The following KCNH7 variants were observed in gnomAD, a reference collection of about 807,000 sequenced individuals.
KCNH7 encodes the protein voltage-gated inwardly rectifying potassium channel KCNH7.
Under a neutral mutation model 120.8 loss-of-function variants are expected in KCNH7, and 49 were observed. The observed-to-expected ratio is 0.41, with a 90% CI of 0.32 to 0.51. The LOEUF is 0.51. Among genes scored for constraint, KCNH7 ranks in the 20% least tolerant of loss-of-function variants. KCNH7 has a pLI of 0.38. For synonymous variants in KCNH7, 547 were observed against 516.1 expected, an observed-to-expected ratio of 1.06 and a Z score of -0.81; for missense variants, 1,097 against 1,446.6, an observed-to-expected ratio of 0.76 and a Z score of 3.92.
intron 2 of KCNH7, among the ~76,000 whole-genome samples, chr2:162,731,586 A>G (rs992497806): frequency 1.3e-5 from 2 of 151,918 alleles, no homozygotes; most frequent in African/African-American, 4.8e-5. Context: ...ATTTTATAAT[A>G]TTTTATAAAA....
intron 2 of KCNH7, among the ~76,000 whole-genome samples, chr2:162,787,385 C>G (rs1286737074): frequency 6.6e-6 from 1 of 152,062 alleles, no homozygotes; most frequent in Non-Finnish European, 1.5e-5. Context: ...ACACCAGACT[C>G]AGTGGCTCCA....
chr2:162,449,905 C>T (rs1278357988), intron 6 of KCNH7, among the ~76,000 whole-genome samples: 1 of 152,048 alleles, frequency 6.6e-6, no homozygotes, highest in Non-Finnish European at 1.5e-5. Context: ...ATTTATAAAA[C>T]AGTGAATTCA....
intron 9 of KCNH7, among the ~76,000 whole-genome samples, chr2:162,414,646 C>G (rs900994477): frequency 6.6e-6 from 1 of 151,440 alleles, no homozygotes; most frequent in Non-Finnish European, 1.5e-5. Context: ...TGTATACATG[C>G]AAATATAAGT....
chr2:162,707,256 G>C (rs942589789), intron 2 of KCNH7, among the ~76,000 whole-genome samples: 1 of 152,038 alleles, frequency 6.6e-6, no homozygotes, highest in Non-Finnish European at 1.5e-5. Flanking sequence ...ATTTGAAAGA[G>C]CAAACAGAAT....
At chr2:162,541,494 T>C (rs941632654) in intron 2 of KCNH7, among the ~76,000 whole-genome samples, 2 of 152,076 alleles carry the variant, frequency 1.3e-5, no homozygotes, top group African/African-American at 4.8e-5. Flanking sequence ...AGATACACCA[T>C]GGAATATTAT....
intron 9 of KCNH7, among the ~76,000 whole-genome samples, chr2:162,404,207 T>C (rs562288453): frequency 6.6e-6 from 1 of 152,066 alleles, no homozygotes; most frequent in Non-Finnish European, 1.5e-5. Flanking sequence ...TATACACAGC[T>C]TTCTTGACTG....
At chr2:162,699,453 A>T (rs1370773645) in intron 2 of KCNH7, among the ~76,000 whole-genome samples, 2 of 152,132 alleles carry the variant, frequency 1.3e-5, no homozygotes, top group Non-Finnish European at 2.9e-5. Flanking sequence ...AATCCAAAAG[A>T]TACAGTAGAA....
intron 2 of KCNH7, among the ~76,000 whole-genome samples, chr2:162,654,243 A>T (rs1312953437): frequency 1.3e-5 from 2 of 152,164 alleles, no homozygotes; most frequent in East Asian, 1.9e-4. Context: ...CAAACCATAC[A>T]TTTGATATGT....
intron 2 of KCNH7, among the ~76,000 whole-genome samples, chr2:162,805,593 G>A (rs965256524): frequency 6.6e-6 from 1 of 152,072 alleles, no homozygotes; most frequent in Admixed American, 6.6e-5. Flanking sequence ...ATAGATGTTG[G>A]TGTAGATATG....
intron 2 of KCNH7, among the ~76,000 whole-genome samples, chr2:162,763,154 T>G: frequency 6.6e-6 from 1 of 152,130 alleles, no homozygotes. Context: ...TTCTATAACT[T>G]TGTCTCAACT....
intron 4 of KCNH7, among the ~76,000 whole-genome samples, chr2:162,513,186 C>CTTCTT (rs1377572989): frequency 8.7e-5 from 9 of 103,578 alleles, no homozygotes; most frequent in Admixed American, 6.1e-4. Flanking sequence ...CCCTCCCTCC[C>CTTCTT]TCCCTCCCTC....
At chr2:162,702,736 T>C (rs1040750076) in intron 2 of KCNH7, among the ~76,000 whole-genome samples, 1 of 152,184 alleles carries the variant, frequency 6.6e-6, no homozygotes, top group African/African-American at 2.4e-5. Flanking sequence ...AGCTGATCTT[T>C]GTTCTTGGGG....
At chr2:162,580,536 G>A (rs1693832951) in intron 2 of KCNH7, among the ~76,000 whole-genome samples, 1 of 152,012 alleles carries the variant, frequency 6.6e-6, no homozygotes, top group Non-Finnish European at 1.5e-5. Context: ...TGGCATTCAA[G>A]TCAATTTAAT....
At chr2:162,614,456 A>G (rs1052499581) in intron 2 of KCNH7, among the ~76,000 whole-genome samples, 5 of 152,066 alleles carry the variant, frequency 3.3e-5, no homozygotes, top group Non-Finnish European at 5.9e-5. Flanking sequence ...AAACAAAATG[A>G]AACAAAACAA....
intron 2 of KCNH7, among the ~76,000 whole-genome samples, chr2:162,696,282 A>C (rs945495170): frequency 8.5e-5 from 13 of 152,174 alleles, no homozygotes; most frequent in Non-Finnish European, 1.6e-4. Flanking sequence ...CTATGCAAAA[A>C]TATTTTATGA....
chr2:162,577,984 T>C (rs1324980638), intron 2 of KCNH7, among the ~76,000 whole-genome samples: 1 of 152,036 alleles, frequency 6.6e-6, no homozygotes, highest in Admixed American at 6.6e-5. Context: ...CTGCCCAAGG[T>C]CATAGAATTT....
At chr2:162,506,369 G>A (rs959738374) in intron 5 of KCNH7, among the ~76,000 whole-genome samples, 1 of 151,720 alleles carries the variant, frequency 6.6e-6, no homozygotes, top group East Asian at 1.9e-4. Flanking sequence ...ATGCATACCA[G>A]GATAGTGTTT....
chr2:162,697,662 G>T lies in KCNH7; in HGVS notation c.307+138875C>A, dbSNP rs144509012. Among the ~76,000 whole-genome samples the T allele has an allele frequency of 3.1e-3, 477 of 152,128 alleles. 2 individuals are homozygous for T. Among genetic ancestry groups the T allele is most frequent in the Non-Finnish European group, 5.6e-3 (380 of 67,984 alleles). ...CTTCTCAACCTAGGTAGAGATAGAA[G>T]AATGTCTGTCTTATAACAATTCATA... On this transcript the variant is annotated intron_variant, in intron 2 of 15. Coordinates refer to ENST00000332142, the MANE Select transcript of KCNH7 (RefSeq NM_033272.4).
intron 2 of KCNH7, among the ~76,000 whole-genome samples, chr2:162,672,202 T>C (rs372413995): frequency 1.1e-4 from 17 of 152,042 alleles, no homozygotes; most frequent in South Asian, 8.3e-4. Flanking sequence ...TAATGAAACA[T>C]ACAAAACATT....
Sources: gnomAD v4.1 joint callset for allele counts (sites outside exome capture counted in the v4.1 genomes callset) on GRCh38, gnomAD v4.1.1 for gene constraint, MANE v1.5 for transcripts, NCBI Gene and HGNC (gene_info 2026-07-23, HGNC 2026-07-21) for gene names.